FRMD1: variants seen among roughly 807,000 people sequenced by gnomAD.
FRMD1 encodes FERM domain containing 1, also known as FERM domain-containing protein 1.
Under a neutral mutation model 54.9 loss-of-function variants are expected in FRMD1, and 51 were observed. That is an observed-to-expected ratio of 0.93 (90% CI 0.74 to 1.17). The LOEUF (loss-of-function observed/expected upper bound fraction) is 1.17. Among genes scored for constraint, FRMD1 ranks in the 50% most tolerant of loss-of-function variants. The pLI is 0.00. For synonymous variants in FRMD1, 324 were observed against 306.4 expected (o/e 1.06, Z -0.60); for missense variants, 729 against 743.0 (o/e 0.98, Z 0.22).
Position 168,068,454 on chromosome 6 carries a change from G to C in FRMD1, c.305-1008C>G, listed in dbSNP as rs80326169. Among the ~76,000 whole-genome samples, 526 of 152,266 alleles carry C rather than the reference G, an allele frequency of 3.5e-3. 1 individual carries two copies. Among genetic ancestry groups the C allele is most frequent in the African/African-American group, 0.012 (494 of 41,566 alleles). On this transcript the variant is annotated intron_variant, in intron 2 of 10. Transcript: ENST00000283309. ...GATATCAAAACCCGGGGATGGTGTA[G>C]AGTTTGCATGTACCCTATGCACATC...
intron 2 of FRMD1, among the ~76,000 whole-genome samples, chr6:168,072,522 G>T (rs147090019): frequency 0.016 from 2,459 of 152,326 alleles, 62 homozygotes; most frequent in Admixed American, 0.05. Flanking sequence ...CCTCAGTGCC[G>T]AGAACTTGGG....
chr6:168,075,728 C>T (rs759514215), intron 1 of FRMD1: 31 of 1,536,482 alleles, frequency 2.0e-5, no homozygotes, highest in South Asian at 3.6e-5. Flanking sequence ...GCGCGAGCAT[C>T]GGTGTCTCAC....
chr6:168,082,471 A>C (rs1800851135), upstream of FRMD1, among the ~76,000 whole-genome samples: 1 of 152,210 alleles, frequency 6.6e-6, no homozygotes. Context: ...CTGGGTCCCC[A>C]GGAGGTCCCT....
chr6:168,087,945 G>A (rs1450333684), intron 1 of FRMD1, among the ~76,000 whole-genome samples: 1 of 152,162 alleles, frequency 6.6e-6, no homozygotes, highest in Non-Finnish European at 1.5e-5. Flanking sequence ...TGGGAGGGGC[G>A]GCATGAGCCA....
chr6:168,061,065 G>C lies in FRMD1; in HGVS notation c.1046-8C>G, dbSNP rs1396915047. ...CCCGGTAGTGCTGCTTCTCTGTGGG[G>C]AGTGGGGAGCACAGTGAGGGCGAGC... On this transcript the variant is annotated splice_polypyrimidine_tract_variant and splice_region_variant and intron_variant, in intron 8 of 10. Coordinates refer to ENST00000283309, the MANE Select transcript of FRMD1 (RefSeq NM_024919.6). The C allele has an allele frequency of 4.0e-5, 64 of 1,603,598 alleles. No homozygotes were observed. The highest frequency in any genetic ancestry group is 5.2e-5 in the Non-Finnish European group (61 of 1,173,476).
chr6:168,083,883 C>T (rs1368271129), upstream of FRMD1, among the ~76,000 whole-genome samples: 1 of 152,210 alleles, frequency 6.6e-6, no homozygotes, highest in Non-Finnish European at 1.5e-5. Flanking sequence ...AGATCTCTCC[C>T]TTTCCAGCCT....
upstream of FRMD1, among the ~76,000 whole-genome samples, chr6:168,080,828 T>TG (rs1478717483): frequency 5.3e-5 from 8 of 150,582 alleles, no homozygotes; most frequent in East Asian, 2.0e-4. Context: ...CGGGCGCTGG[T>TG]TTGTGCGGGC....
chr6:168,072,584 C>A (rs751361087), intron 2 of FRMD1, among the ~76,000 whole-genome samples: 1 of 152,208 alleles, frequency 6.6e-6, no homozygotes, highest in African/African-American at 2.4e-5. Context: ...CCAAACACGG[C>A]GGCTCCAACA....
chr6:168,084,982 C>A (rs1800894680), upstream of FRMD1, among the ~76,000 whole-genome samples: 1 of 152,198 alleles, frequency 6.6e-6, no homozygotes, highest in Non-Finnish European at 1.5e-5. Flanking sequence ...ACTGCAGGCC[C>A]CGTGGACGTG....
chr6:168,089,029 G>C (rs1800971184), intron 1 of FRMD1, among the ~76,000 whole-genome samples: 1 of 152,234 alleles, frequency 6.6e-6, no homozygotes, highest in Non-Finnish European at 1.5e-5. Flanking sequence ...TGGCTTAGGG[G>C]AAGGGTACAA....
rs2114934099 is a variant in FRMD1, at chr6:168,055,609, C to G, written c.*1488G>C. The G allele has an allele frequency of 6.6e-6, 1 of 152,296 alleles. No homozygotes were observed. The highest frequency in any genetic ancestry group is 2.1e-4 in the South Asian group (1 of 4,830). 9.4% of individuals were successfully genotyped at this position (152,296 alleles called of 1,614,324 possible). On this transcript the variant is annotated 3_prime_UTR_variant, in exon 11 of 11. Transcript: ENST00000283309. ...CTAATGGGAATGGCTTTGGGAAGTG[C>G]CCACATGCTCACATCTGAGCCAGCA...
intron 1 of FRMD1, among the ~76,000 whole-genome samples, chr6:168,087,800 G>A (rs546675135): frequency 3.9e-5 from 6 of 152,262 alleles, no homozygotes; most frequent in East Asian, 3.9e-4. Context: ...CCCTTCTACC[G>A]CTGTTCCCAG....
Position 168,066,781 on chromosome 6 carries a change from G to A in FRMD1, c.435C>T (p.His145=). The change falls in exon 4 of 11, where the codon CAC becomes CAT. Residue 145 remains histidine (H), a synonymous_variant. Transcript: ENST00000283309. ...APFVAFLRVQ[H]YVENGRVISD... ...TTATGACCCTTCCGTTTTCCACGTA[G>A]TGCTGCACTCGGAGGAAGGCCACGA... 1 of 1,614,024 alleles carries A rather than the reference G, an allele frequency of 6.2e-7. No homozygotes were observed. The highest frequency in any genetic ancestry group is 1.7e-5 in the Admixed American group (1 of 59,984).
chr6:168,073,022 C>T (rs1241086498), intron 2 of FRMD1, among the ~76,000 whole-genome samples: 1 of 152,160 alleles, frequency 6.6e-6, no homozygotes, highest in African/African-American at 2.4e-5. Flanking sequence ...TTTGACTGGG[C>T]TCCTGCACAG....
At chr6:168,075,792 G>A (rs1469849919) in intron 1 of FRMD1, 2 of 1,550,406 alleles carry the variant, frequency 1.3e-6, no homozygotes, top group South Asian at 2.4e-5. Context: ...CTACAGCTGA[G>A]CCTCTCACGG....
At chr6:168,087,693 C>G (rs1800945255) in intron 1 of FRMD1, among the ~76,000 whole-genome samples, 1 of 152,218 alleles carries the variant, frequency 6.6e-6, no homozygotes, top group Admixed American at 6.5e-5. Context: ...TGAGGACATC[C>G]CACTCCCAGG....
At chr6:168,090,683 G>C (rs1801001199) in intron 1 of FRMD1, among the ~76,000 whole-genome samples, 2 of 152,248 alleles carry the variant, frequency 1.3e-5, no homozygotes, top group African/African-American at 4.8e-5. Flanking sequence ...ACTTGCTGCT[G>C]TTTTGTTCCC....
At chr6:168,066,449 G>T in intron 4 of FRMD1, 1 of 742,308 alleles carries the variant, frequency 1.3e-6, no homozygotes, top group South Asian at 4.1e-5. Flanking sequence ...AGTGAGTCGA[G>T]ATTGTGCCAT....
chr6:168,062,622 C>G (rs1452849989), intron 7 of FRMD1: 1 of 1,509,866 alleles, frequency 6.6e-7, no homozygotes, highest in African/African-American at 1.4e-5. Flanking sequence ...GAGGATGAAG[C>G]TGCATCTGCC....
Sources: allele counts gnomAD v4.1 joint callset (sites outside exome capture counted in the v4.1 genomes callset), GRCh38; gene constraint gnomAD v4.1.1; transcripts MANE v1.5; gene names NCBI Gene and HGNC (gene_info 2026-07-23, HGNC 2026-07-21).